Variants in SHOX observed in about 807,000 individuals in gnomAD.
SHOX encodes the protein SHOX homeobox, also known as short stature homeobox protein.
In SHOX, 12 loss-of-function variants were observed where a neutral mutation model predicts 29.6. The ratio of observed to expected loss-of-function variants is 0.41; its 90% CI spans 0.26 to 0.66. SHOX has a LOEUF of 0.66. Among genes scored for constraint, SHOX ranks in the 30% least tolerant of loss-of-function variants. The pLI, the probability that SHOX is intolerant of heterozygous loss-of-function variation, is 0.35. For synonymous variants in SHOX, 214 were observed against 200.6 expected (o/e 1.07, Z -0.57); for missense variants, 499 against 437.7 (o/e 1.14, Z -1.25).
rs151186362 is a variant in SHOX at position 657,694 on chromosome X, C to T, written c.634-1091C>T. On this transcript the variant is annotated intron_variant, in intron 5 of 5. Transcript: ENST00000334060. ...TCTCTTTCCCCAGGGAACCGTAACC[C>T]GTCTGAAAAGATGCCCTTCTCAGAA... 5.9e-3 allele frequency among the ~76,000 whole-genome samples: 905 copies of T among 152,244 alleles called. 9 individuals are homozygous for T. The highest frequency in any genetic ancestry group is 0.02 in the African/African-American group (836 of 41,548).
intron 1 of SHOX, among the ~76,000 whole-genome samples, chrX:625,723 CTCTCCTCT>C (rs1325005722): frequency 5.6e-5 from 8 of 142,732 alleles, no homozygotes; most frequent in African/African-American, 1.7e-4. Context: ...CTGTCTCTCT[CTCTCCTCT>C]CTCTCTGTCT....
chrX:630,012 G>T (rs2052618479), upstream of SHOX, among the ~76,000 whole-genome samples: 4 of 152,258 alleles, frequency 2.6e-5, 1 homozygote, highest in South Asian at 8.3e-4. Flanking sequence ...GCCGGGGTCC[G>T]CCGGGATCTG....
At chrX:634,993 T>C (rs1479268797) in intron 2 of SHOX, among the ~76,000 whole-genome samples, 167 bp downstream of exon 2, 1 of 152,136 alleles carries the variant, frequency 6.6e-6, no homozygotes, top group Non-Finnish European at 1.5e-5. Flanking sequence ...TGGAGACGCC[T>C]GAGGCCTGTA....
In SHOX at chrX:651,099, G is replaced by T; in HGVS notation, c.*6463G>T. On this transcript the variant is annotated 3_prime_UTR_variant, in exon 5 of 5. Coordinates refer to ENST00000686671, the MANE Select transcript of SHOX (RefSeq NM_000451.4). ...CTTACTTTGTGATGTATGTGCATTTGTTATTTATTTTTTTTTCCTTGGTCG... is the reference window on the plus strand; with the variant it reads ...CTTACTTTGTGATGTATGTGCATTTTTTATTTATTTTTTTTTCCTTGGTCG... 1 of 320,638 alleles carries T rather than the reference G, an allele frequency of 3.1e-6. No homozygotes were observed. The highest frequency in any genetic ancestry group is 2.3e-5 in the South Asian group (1 of 42,902). 19.9% of individuals were successfully genotyped at this position (320,638 alleles called of 1,614,324 possible).
At chrX:631,581 G>C (rs1297142153) in intron 1 of SHOX, among the ~76,000 whole-genome samples, 1 of 152,182 alleles carries the variant, frequency 6.6e-6, no homozygotes, top group Non-Finnish European at 1.5e-5. Context: ...CCCCAGGCTG[G>C]AGTGCAGTGG....
At chrX:630,746 G>C, upstream of SHOX, 1 of 972,764 alleles carries the variant, frequency 1.0e-6, no homozygotes, top group Non-Finnish European at 1.6e-6. Flanking sequence ...TGGGGGGCTG[G>C]GCGAGGTCGC....
At chrX:624,981 T>C (rs898844000) in intron 1 of SHOX, among the ~76,000 whole-genome samples, 1 of 150,244 alleles carries the variant, frequency 6.7e-6, no homozygotes, top group African/African-American at 2.4e-5. Flanking sequence ...CCTTTTCTTT[T>C]CCAGAAAGCT....
Position 646,888 on chromosome X carries a change from C to T in SHOX, c.*2252C>T, listed in dbSNP as rs766331711. The T allele has an allele frequency of 6.6e-6, 1 of 150,980 alleles. No individual in the cohort carries two copies. Among genetic ancestry groups the T allele is most frequent in the South Asian group, 2.1e-4 (1 of 4,772 alleles). The allele number at this position is 150,980 out of a possible 1,614,324, so 9.4% of individuals were successfully genotyped here. A position where few individuals can be genotyped will look rare whatever the true frequency, so the allele number is the denominator to read the frequency against. On this transcript the variant is annotated 3_prime_UTR_variant, in exon 5 of 5. Coordinates refer to ENST00000686671, the MANE Select transcript of SHOX (RefSeq NM_000451.4). ...ATTTTGAATCTTTGGGAAGTAGGTTCATTCATCAGAGTATGTAACCCTTTG... is the reference window on the plus strand; with the variant it reads ...ATTTTGAATCTTTGGGAAGTAGGTTTATTCATCAGAGTATGTAACCCTTTG...
rs775125389 is a variant in SHOX at position 650,000 on chromosome X, G to A, written c.*5364G>A. Reference sequence around the variant, plus strand: ...TGTTGCTATTAGATTTTCTTTCTCCGTTCGAGTCTCTGACTGGTGCATACT... The same window carrying A: ...TGTTGCTATTAGATTTTCTTTCTCCATTCGAGTCTCTGACTGGTGCATACT... On this transcript the variant is annotated 3_prime_UTR_variant, in exon 5 of 5. Coordinates refer to ENST00000686671, the MANE Select transcript of SHOX (RefSeq NM_000451.4). 1.0e-4 allele frequency: 46 copies of A among 455,958 alleles called. 1 individual carries two copies. The highest frequency in any genetic ancestry group is 5.0e-4 in the South Asian group (32 of 64,554). 28.2% of individuals were successfully genotyped at this position (455,958 alleles called of 1,614,324 possible). A position where few individuals can be genotyped will look rare whatever the true frequency, so the allele number is the denominator to read the frequency against.
downstream of SHOX, among the ~76,000 whole-genome samples, chrX:655,608 CTCTCTCTATATATATATATATATA>C (rs1327478725): frequency 0.025 from 615 of 24,354 alleles, 2 homozygotes; most frequent in Middle Eastern, 0.042. Context: ...CTCTCTCTCT[CTCTCTCTATATATATATATATATA>C]TATATATATA....
intron 1 of SHOX, among the ~76,000 whole-genome samples, chrX:632,664 A>G (rs1421536921): frequency 2.0e-5 from 3 of 152,152 alleles, no homozygotes; most frequent in Non-Finnish European, 4.4e-5. Context: ...CGAAGCAGAA[A>G]GCTGTGGCTA....
At chrX:624,925 T>TG (rs1569491728) in intron 1 of SHOX, among the ~76,000 whole-genome samples, 2 of 68,300 alleles carry the variant, frequency 2.9e-5, no homozygotes, top group African/African-American at 1.4e-4. Context: ...TTTCTTTCTT[T>TG]CTTTCTTTTC....
At chrX:636,811 CCT>C (rs2052767335) in intron 2 of SHOX, among the ~76,000 whole-genome samples, 1 of 134,938 alleles carries the variant, frequency 7.4e-6, no homozygotes, top group Non-Finnish European at 1.5e-5. Context: ...ATTTTTGGCC[CCT>C]GATTCCCTTC....
intron 1 of SHOX, among the ~76,000 whole-genome samples, chrX:625,006 C>T (rs2052490515): frequency 1.4e-5 from 2 of 144,944 alleles, no homozygotes; most frequent in African/African-American, 5.1e-5. Context: ...CCTTCCTTCC[C>T]TCCTTCCTTC....
At chrX:634,481 TG>T in intron 1 of SHOX, 136 bp from the exon 2 acceptor site, 2 of 887,764 alleles carry the variant, frequency 2.3e-6, no homozygotes, top group Non-Finnish European at 3.7e-6. Flanking sequence ...TTTTGCCTTA[TG>T]GACCCCACGC....
intron 1 of SHOX, among the ~76,000 whole-genome samples, chrX:633,062 C>T (rs1283631250): frequency 6.6e-6 from 1 of 152,150 alleles, no homozygotes; most frequent in Non-Finnish European, 1.5e-5. Flanking sequence ...GACAGAGAGT[C>T]CCCGTTACAT....
intron 2 of SHOX, among the ~76,000 whole-genome samples, chrX:637,628 A>G (rs2052780966): frequency 6.6e-6 from 1 of 152,046 alleles, no homozygotes; most frequent in African/African-American, 2.4e-5. Context: ...CCGCGGGGGG[A>G]AAGGATCCTA....
upstream of SHOX, among the ~76,000 whole-genome samples, chrX:627,705 C>T (rs1470552903): frequency 6.6e-6 from 1 of 152,292 alleles, no homozygotes; most frequent in East Asian, 1.9e-4. Flanking sequence ...CATGCTCATT[C>T]CTGGAGGCTC....
chrX:627,128 C>A (rs189530470), upstream of SHOX, among the ~76,000 whole-genome samples: 1 of 152,166 alleles, frequency 6.6e-6, no homozygotes, highest in African/African-American at 2.4e-5. Flanking sequence ...CAAGCACCCC[C>A]TTGTACACAG....
Sources: allele counts gnomAD v4.1 joint callset (sites outside exome capture counted in the v4.1 genomes callset), GRCh38; gene constraint gnomAD v4.1.1; transcripts MANE v1.5; gene names NCBI Gene and HGNC (gene_info 2026-07-23, HGNC 2026-07-21).